Variants in CSMD1 observed in about 807,000 individuals in gnomAD.
CSMD1 encodes CUB and sushi domain-containing protein 1.
A neutral mutation model predicts 417.5 loss-of-function variants in CSMD1; 213 were observed. That is an observed-to-expected ratio of 0.51 (90% CI 0.46 to 0.57). The LOEUF is 0.57. Ranked by LOEUF, CSMD1 falls within the 20% of genes least tolerant of loss-of-function variation. CSMD1 has a pLI of 0.00. For missense variants in CSMD1, 6,923 were observed against 4,529.7 expected, an observed-to-expected ratio of 1.53 and a Z score of -15.17; for synonymous variants, 2,862 against 1,736.8, an observed-to-expected ratio of 1.65 and a Z score of -16.11.
chr8:3,165,290 A>G (rs1820136873), intron 37 of CSMD1, among the ~76,000 whole-genome samples: 1 of 152,134 alleles, frequency 6.6e-6, no homozygotes, highest in South Asian at 2.1e-4. Context: ...CAAAGTGCAT[A>G]AGCGATTGAT....
intron 3 of CSMD1, among the ~76,000 whole-genome samples, chr8:4,035,138 A>C (rs962125125): frequency 1.3e-5 from 2 of 152,066 alleles, no homozygotes; most frequent in African/African-American, 4.8e-5. Flanking sequence ...TACGACTCAT[A>C]TACAACATCG....
chr8:3,475,788 T>G (rs563554249), intron 11 of CSMD1, among the ~76,000 whole-genome samples: 2 of 152,230 alleles, frequency 1.3e-5, no homozygotes, highest in African/African-American at 4.8e-5. Context: ...AAATGATATG[T>G]GATTATGTAT....
At chr8:4,122,683 G>A (rs933571607) in intron 3 of CSMD1, among the ~76,000 whole-genome samples, 1 of 152,182 alleles carries the variant, frequency 6.6e-6, no homozygotes, top group Non-Finnish European at 1.5e-5. Context: ...CTCAGGGGCT[G>A]CAGCTGGGCA....
intron 10 of CSMD1, among the ~76,000 whole-genome samples, chr8:3,568,935 C>T (rs1294480737): frequency 6.6e-6 from 1 of 152,092 alleles, no homozygotes; most frequent in Non-Finnish European, 1.5e-5. Flanking sequence ...AGAATTTTAT[C>T]TTAATTACTA....
intron 66 of CSMD1, among the ~76,000 whole-genome samples, chr8:2,950,690 A>C (rs1317406985): frequency 2.0e-5 from 3 of 152,232 alleles, no homozygotes; most frequent in Non-Finnish European, 4.4e-5. Context: ...TAATGTAAGA[A>C]TGAAAATGAT....
intron 10 of CSMD1, among the ~76,000 whole-genome samples, chr8:3,559,325 A>G (rs1799366382): frequency 1.3e-5 from 2 of 152,246 alleles, no homozygotes; most frequent in Admixed American, 1.3e-4. Context: ...TGTGATTTCA[A>G]AGACTAGGCA....
At chr8:4,269,995 C>T (rs1379181275) in intron 3 of CSMD1, among the ~76,000 whole-genome samples, 2 of 152,108 alleles carry the variant, frequency 1.3e-5, no homozygotes, top group Non-Finnish European at 2.9e-5. Context: ...GAGCTTGGGG[C>T]CATATATAAG....
intron 46 of CSMD1, among the ~76,000 whole-genome samples, chr8:3,101,805 T>A (rs867546002): frequency 7.2e-6 from 1 of 138,116 alleles, no homozygotes; most frequent in Admixed American, 7.2e-5. Flanking sequence ...TTTTCTTTTT[T>A]TTTTTTTTTT....
intron 51 of CSMD1, among the ~76,000 whole-genome samples, 189 bp from the exon 52 acceptor site, chr8:3,018,839 A>G (rs1563243514): frequency 6.6e-6 from 1 of 152,150 alleles, no homozygotes; most frequent in Admixed American, 6.5e-5. Context: ...TTAATTTTCC[A>G]TCTTTATGCT....
At chr8:4,946,521 C>T (rs7815376) in intron 1 of CSMD1, among the ~76,000 whole-genome samples, 78,582 of 151,470 alleles carry the variant, frequency 0.52, 21,258 homozygotes, top group East Asian at 0.79. Context: ...CCCCCAGCTG[C>T]CTCTAACCAG....
At chr8:4,160,707 G>C (rs1584933491) in intron 3 of CSMD1, among the ~76,000 whole-genome samples, 1 of 152,206 alleles carries the variant, frequency 6.6e-6, no homozygotes, top group East Asian at 1.9e-4. Flanking sequence ...CTTCACTCTT[G>C]CCTTGTGGCA....
intron 3 of CSMD1, among the ~76,000 whole-genome samples, chr8:4,391,978 G>A (rs976704819): frequency 1.3e-5 from 2 of 152,166 alleles, no homozygotes; most frequent in African/African-American, 4.8e-5. Context: ...TTAAAAGAGA[G>A]ACCTAGTCAA....
At chr8:3,480,344 C>T (rs1336252536) in intron 11 of CSMD1, among the ~76,000 whole-genome samples, 1 of 151,986 alleles carries the variant, frequency 6.6e-6, no homozygotes, top group African/African-American at 2.4e-5. Flanking sequence ...CCCCCTGGAG[C>T]AATGGAGAAA....
chr8:4,710,621 G>C (rs912766789), intron 1 of CSMD1, among the ~76,000 whole-genome samples: 1 of 151,264 alleles, frequency 6.6e-6, no homozygotes, highest in African/African-American at 2.4e-5. Context: ...TCAGATGGGT[G>C]GATCACAAGC....
intron 24 of CSMD1, 25 bp from the exon 25 acceptor site, chr8:3,307,846 A>T: frequency 6.2e-7 from 1 of 1,605,606 alleles, no homozygotes; most frequent in Non-Finnish European, 8.5e-7. Context: ...GAGAGATGGG[A>T]ACGTTCAGCT....
intron 50 of CSMD1, among the ~76,000 whole-genome samples, chr8:3,035,201 C>A (rs1354145527): frequency 6.6e-6 from 1 of 152,124 alleles, no homozygotes; most frequent in African/African-American, 2.4e-5. Context: ...CCAGCACTCC[C>A]CAGTCCCCCA....
At chr8:4,035,293 C>T (rs1039968261) in intron 3 of CSMD1, among the ~76,000 whole-genome samples, 2 of 152,140 alleles carry the variant, frequency 1.3e-5, no homozygotes, top group Non-Finnish European at 2.9e-5. Flanking sequence ...CAATTAGGTT[C>T]ACTGCATATG....
In CSMD1 at chr8:3,904,400, T is replaced by C. The variant is rs77418417; in HGVS notation, c.818+93503A>G. 3.1e-3 allele frequency among the ~76,000 whole-genome samples: 466 copies of C among 152,268 alleles called. 3 individuals are homozygous for C. Among genetic ancestry groups the C allele is most frequent in the African/African-American group, 0.011 (444 of 41,546 alleles). Reference sequence around the variant, plus strand: ...TGCAATGGAAACCTCTTTATTGCAATGGACCTATGTTAGTGCTTCTCAAAC... The same window carrying C: ...TGCAATGGAAACCTCTTTATTGCAACGGACCTATGTTAGTGCTTCTCAAAC... On this transcript the variant is annotated intron_variant, in intron 5 of 69. Transcript: ENST00000635120.
chr8:3,230,775 AC>A, intron 26 of CSMD1, among the ~76,000 whole-genome samples: 1 of 151,948 alleles, frequency 6.6e-6, no homozygotes, highest in Non-Finnish European at 1.5e-5. Context: ...ATTATTAATA[AC>A]CCCCTTTCAC....
Sources: allele counts gnomAD v4.1 joint callset (sites outside exome capture counted in the v4.1 genomes callset), GRCh38; gene constraint gnomAD v4.1.1; transcripts MANE v1.5; gene names NCBI Gene and HGNC (gene_info 2026-07-23, HGNC 2026-07-21).